The following NOL10 variants were observed in gnomAD, a reference collection of about 807,000 sequenced individuals.
NOL10 encodes H_NH0074G24.1.
NOL10 carries 58 observed loss-of-function variants against 103.5 expected under a neutral mutation model. That is an observed-to-expected ratio of 0.56 (90% CI 0.45 to 0.70). The LOEUF (loss-of-function observed/expected upper bound fraction) is 0.70, where lower values mean the gene tolerates loss of function less well. NOL10 is among the 30% of genes least tolerant of loss of function. The pLI is 0.00. For synonymous variants in NOL10, 287 were observed against 282.5 expected, an observed-to-expected ratio of 1.02 and a Z score of -0.16; for missense variants, 763 against 807.3, an observed-to-expected ratio of 0.95 and a Z score of 0.67.
intron 13 of NOL10, among the ~76,000 whole-genome samples, chr2:10,618,245 TA>T (rs34176271): frequency 6.6e-6 from 1 of 150,774 alleles, no homozygotes; most frequent in African/African-American, 2.4e-5. Flanking sequence ...GCTGTTTTTT[TA>T]AAAAAAAATG....
At chr2:10,638,302 CGTG>C (rs1678418339) in intron 13 of NOL10, among the ~76,000 whole-genome samples, 2 of 59,212 alleles carry the variant, frequency 3.4e-5, no homozygotes. Context: ...AATAACGTAA[CGTG>C]ACGTGACGTG....
intron 3 of NOL10, among the ~76,000 whole-genome samples, chr2:10,678,300 C>T (rs1018306770): frequency 6.6e-6 from 1 of 151,982 alleles, no homozygotes; most frequent in Non-Finnish European, 1.5e-5. Flanking sequence ...AATCCTCCTG[C>T]CTCAGCCTCC....
At chr2:10,602,004 A>G (rs887079206) in intron 16 of NOL10, among the ~76,000 whole-genome samples, 1 of 152,266 alleles carries the variant, frequency 6.6e-6, no homozygotes, top group African/African-American at 2.4e-5. Flanking sequence ...AGGCAGGTGC[A>G]GGAGCAGGGC....
At chr2:10,683,758 T>A (rs564013275) in intron 2 of NOL10, among the ~76,000 whole-genome samples, 1 of 152,324 alleles carries the variant, frequency 6.6e-6, no homozygotes, top group East Asian at 1.9e-4. Context: ...CCACCTGGAC[T>A]GTGCTAAGTG....
chr2:10,671,132 A>C (rs1349821764), intron 6 of NOL10, among the ~76,000 whole-genome samples: 1 of 152,236 alleles, frequency 6.6e-6, no homozygotes, highest in Non-Finnish European at 1.5e-5. Flanking sequence ...CTGATTACTG[A>C]CATGAAGCAA....
At chr2:10,613,213 A>T (rs1011025804) in intron 13 of NOL10, among the ~76,000 whole-genome samples, 1 of 152,226 alleles carries the variant, frequency 6.6e-6, no homozygotes, top group Admixed American at 6.5e-5. Flanking sequence ...ACCCTATAAA[A>T]ATAGTAGAAT....
intron 1 of NOL10, among the ~76,000 whole-genome samples, chr2:10,686,134 A>G (rs1329652225): frequency 1.3e-5 from 2 of 152,196 alleles, no homozygotes; most frequent in East Asian, 3.8e-4. Flanking sequence ...GAACACCAAC[A>G]AATAAGGAAG....
At chr2:10,631,595 G>A (rs374965709) in intron 13 of NOL10, among the ~76,000 whole-genome samples, 2 of 152,122 alleles carry the variant, frequency 1.3e-5, no homozygotes, top group Admixed American at 6.5e-5. Context: ...CAAACACAAC[G>A]ATTGCATCAT....
intron 18 of NOL10, 46 bp downstream of exon 18, chr2:10,589,532 C>T (rs1385145621): frequency 7.1e-7 from 1 of 1,411,248 alleles, no homozygotes; most frequent in East Asian, 2.3e-5. Context: ...GAAAACATTA[C>T]ATTAAAGAAA....
intron 11 of NOL10, among the ~76,000 whole-genome samples, chr2:10,655,719 G>A (rs943215558): frequency 6.6e-6 from 1 of 152,226 alleles, no homozygotes; most frequent in South Asian, 2.1e-4. Context: ...AGCAATTACA[G>A]TGTGATGATT....
chr2:10,667,061 T>C (rs1245853599), intron 8 of NOL10, among the ~76,000 whole-genome samples, 157 bp downstream of exon 8: 4 of 152,202 alleles, frequency 2.6e-5, no homozygotes, highest in Admixed American at 6.5e-5. Context: ...GTTGTGTACA[T>C]TCATCTCAAT....
At chr2:10,633,477 A>G (rs950209913) in intron 13 of NOL10, among the ~76,000 whole-genome samples, 8 of 151,534 alleles carry the variant, frequency 5.3e-5, no homozygotes, top group Non-Finnish European at 2.9e-5. Flanking sequence ...TATACAGCCC[A>G]TAAGTTATTC....
intron 20 of NOL10, among the ~76,000 whole-genome samples, chr2:10,576,799 C>A (rs1229601665): frequency 6.6e-6 from 1 of 151,970 alleles, no homozygotes; most frequent in Non-Finnish European, 1.5e-5. Context: ...TGATGGTTGC[C>A]CAACTCAGTG....
intron 13 of NOL10, among the ~76,000 whole-genome samples, chr2:10,613,773 T>A (rs974231414): frequency 1.2e-4 from 18 of 152,152 alleles, no homozygotes; most frequent in Non-Finnish European, 2.5e-4. Flanking sequence ...TAAAAGTTTT[T>A]TTTACCACCT....
chr2:10,597,765 T>C (rs916886932), intron 17 of NOL10, among the ~76,000 whole-genome samples: 1 of 152,196 alleles, frequency 6.6e-6, no homozygotes, highest in African/African-American at 2.4e-5. Context: ...TCACGTGATA[T>C]GGCTACAAAG....
chr2:10,689,727 G>C (rs1682494194), intron 1 of NOL10, 69 bp downstream of exon 1: 1 of 1,459,874 alleles, frequency 6.8e-7, no homozygotes, highest in Non-Finnish European at 9.4e-7. Flanking sequence ...GCCGAGGAGA[G>C]GGGCGGCTGC....
intron 13 of NOL10, among the ~76,000 whole-genome samples, chr2:10,624,605 ATCACT>A (rs1477418928): frequency 6.6e-6 from 1 of 152,094 alleles, no homozygotes; most frequent in Non-Finnish European, 1.5e-5. Context: ...GACAGTATAC[ATCACT>A]TAACTTAGAA....
At position 10,588,989 on chromosome 2, in the gene NOL10, G is replaced by C. The variant is rs557065508; in HGVS notation, c.1844+54C>G. The C allele has an allele frequency of 4.1e-4, 648 of 1,594,448 alleles. 13 individuals are homozygous for C. The South Asian group carries it at 7.0e-3, about 17-fold the overall frequency. On this transcript the variant is annotated intron_variant, in intron 19 of 20. Transcript: ENST00000381685. Reference sequence around the variant, plus strand: ...ATCTTTAGGGCAATGTGCCAGAGAGGAAAAGCAAGGGCTTGGTTACATGTC... The same window carrying C: ...ATCTTTAGGGCAATGTGCCAGAGAGCAAAAGCAAGGGCTTGGTTACATGTC...
intron 16 of NOL10, among the ~76,000 whole-genome samples, 186 bp from the exon 17 acceptor site, chr2:10,601,128 A>G (rs554554496): frequency 1.3e-5 from 2 of 151,968 alleles, no homozygotes; most frequent in East Asian, 1.9e-4. Flanking sequence ...CAGGGGCGCA[A>G]TCTCAGCTCA....
Sources: allele counts gnomAD v4.1 joint callset (sites outside exome capture counted in the v4.1 genomes callset), GRCh38; gene constraint gnomAD v4.1.1; transcripts MANE v1.5; gene names NCBI Gene and HGNC (gene_info 2026-07-23, HGNC 2026-07-21).